The following DPYD variants were observed in gnomAD, a reference collection of about 807,000 sequenced individuals.
The protein encoded by DPYD is dihydropyrimidine dehydrogenase.
DPYD carries 109 observed loss-of-function variants against 116.2 expected under a neutral mutation model. The ratio of observed to expected loss-of-function variants is 0.94; its 90% CI spans 0.80 to 1.10. The LOEUF is 1.10. DPYD is among the 50% of genes least tolerant of loss of function. The pLI is 0.00. For missense variants in DPYD, 1,302 were observed against 1,254.5 expected (o/e 1.04, Z -0.57); for synonymous variants, 440 against 432.0 (o/e 1.02, Z -0.23).
intron 14 of DPYD, among the ~76,000 whole-genome samples, chr1:97,397,399 TCACTCTTGCTGTTA>T (rs1288023544): frequency 2.6e-5 from 4 of 152,060 alleles, no homozygotes; most frequent in African/African-American, 9.7e-5. Flanking sequence ...ACATCAGAGT[TCACTCTTGCTGTTA>T]CACATTCTAT....
rs1022272111 is a variant in DPYD, at chr1:97,193,086, C to G, written c.2605G>C (p.Ala869Pro). The G allele has an allele frequency of 1.9e-6, 3 of 1,614,000 alleles. No individual in the cohort carries two copies. The highest frequency in any genetic ancestry group is 1.7e-5 in the Admixed American group (1 of 60,012). ...GCACATACCTTGTCCATGAGTTCAGCTATACGTGGAACTGGTTTCCCTTTC... is the reference window on the plus strand; with the variant it reads ...GCACATACCTTGTCCATGAGTTCAGGTATACGTGGAACTGGTTTCCCTTTC... ...HQKGKPVPRIAELMDKKLPSF... is the reference protein window; with the variant it reads ...HQKGKPVPRIPELMDKKLPSF... Residue 869 changes from alanine to proline, a missense_variant, in exon 20 of 23, where the codon GCT becomes CCT. Ala to Pro is a conservative substitution (Grantham distance 27). Transcript: ENST00000370192.
intron 20 of DPYD, among the ~76,000 whole-genome samples, chr1:97,171,684 C>G (rs528491801): frequency 2.0e-5 from 3 of 152,236 alleles, no homozygotes; most frequent in Admixed American, 2.0e-4. Flanking sequence ...ACACAAAAAG[C>G]CCTCAAAATG....
chr1:97,734,205 T>C (rs897800420), intron 4 of DPYD, among the ~76,000 whole-genome samples: 3 of 151,954 alleles, frequency 2.0e-5, no homozygotes, highest in Non-Finnish European at 4.4e-5. Flanking sequence ...TCTAGGTTAG[T>C]CCACCTGAAA....
At chr1:97,091,478 A>G (rs1194094381) in intron 21 of DPYD, among the ~76,000 whole-genome samples, 2 of 152,176 alleles carry the variant, frequency 1.3e-5, no homozygotes, top group African/African-American at 2.4e-5. Flanking sequence ...AAAAACAGCA[A>G]TAACAACCAC....
At chr1:97,771,488 G>A (rs1337256413) in intron 3 of DPYD, among the ~76,000 whole-genome samples, 7 of 151,974 alleles carry the variant, frequency 4.6e-5, no homozygotes, top group Admixed American at 4.6e-4. Flanking sequence ...AATAAATGAA[G>A]GAGATGAAAT....
chr1:97,845,585 C>A (rs559505744), intron 2 of DPYD, among the ~76,000 whole-genome samples: 10 of 152,184 alleles, frequency 6.6e-5, no homozygotes, highest in African/African-American at 2.2e-4. Context: ...CAGTAGCCTG[C>A]GTACCTCATT....
intron 20 of DPYD, among the ~76,000 whole-genome samples, chr1:97,158,854 A>G (rs1655680715): frequency 6.6e-6 from 1 of 152,174 alleles, no homozygotes; most frequent in Admixed American, 6.6e-5. Flanking sequence ...CAGCACAGCT[A>G]AGATTGAAAT....
chr1:97,632,723 C>G (rs1030472912), intron 8 of DPYD, among the ~76,000 whole-genome samples: 6 of 152,062 alleles, frequency 3.9e-5, no homozygotes, highest in African/African-American at 7.2e-5. Context: ...AAATGGTCAA[C>G]AAGGACCTCA....
intron 18 of DPYD, among the ~76,000 whole-genome samples, chr1:97,254,714 A>G (rs749551701): frequency 1.3e-5 from 2 of 152,174 alleles, no homozygotes; most frequent in Non-Finnish European, 2.9e-5. Context: ...TTCAAGTGAA[A>G]ACTGTTAAAA....
chr1:97,742,396 T>C (rs900494879), intron 3 of DPYD, among the ~76,000 whole-genome samples: 1 of 152,100 alleles, frequency 6.6e-6, no homozygotes, highest in Non-Finnish European at 1.5e-5. Flanking sequence ...CTTAGCCTTC[T>C]CTCTAAATTA....
intron 13 of DPYD, among the ~76,000 whole-genome samples, chr1:97,478,646 A>G (rs1184224536): frequency 2.6e-5 from 4 of 152,204 alleles, no homozygotes; most frequent in African/African-American, 9.6e-5. Flanking sequence ...CATTGGCTTC[A>G]ACTTAGAGTC....
chr1:97,227,996 T>C (rs1661310359), intron 19 of DPYD, among the ~76,000 whole-genome samples: 1 of 151,954 alleles, frequency 6.6e-6, no homozygotes, highest in Non-Finnish European at 1.5e-5. Flanking sequence ...CATTTTTTAA[T>C]AAAAATATTA....
intron 8 of DPYD, among the ~76,000 whole-genome samples, chr1:97,644,122 A>G (rs1372815757): frequency 6.6e-6 from 1 of 152,136 alleles, no homozygotes; most frequent in East Asian, 1.9e-4. Context: ...TGAAAAAAAA[A>G]GAATCATCCT....
intron 16 of DPYD, among the ~76,000 whole-genome samples, chr1:97,348,990 A>G (rs1027130443): frequency 2.0e-5 from 3 of 152,206 alleles, no homozygotes; most frequent in African/African-American, 7.2e-5. Flanking sequence ...GAAGAAAAGC[A>G]AGTAATATAA....
At chr1:97,088,440 C>G (rs1483882317) in intron 21 of DPYD, among the ~76,000 whole-genome samples, 1 of 152,200 alleles carries the variant, frequency 6.6e-6, no homozygotes, top group African/African-American at 2.4e-5. Context: ...TCCAACAAGG[C>G]AATTCAATAA....
At chr1:97,517,221 T>A (rs1420627999) in intron 12 of DPYD, among the ~76,000 whole-genome samples, 1 of 152,046 alleles carries the variant, frequency 6.6e-6, no homozygotes, top group East Asian at 1.9e-4. Context: ...CTCCCAGGGA[T>A]GTTCTGGGCT....
chr1:97,357,240 G>T (rs1405712090), intron 16 of DPYD, among the ~76,000 whole-genome samples: 1 of 151,908 alleles, frequency 6.6e-6, no homozygotes, highest in Non-Finnish European at 1.5e-5. Context: ...TCACCTCCTT[G>T]GTTAAATGGA....
chr1:97,441,428 A>T (rs1470094709), intron 14 of DPYD, among the ~76,000 whole-genome samples: 1 of 151,734 alleles, frequency 6.6e-6, no homozygotes, highest in Non-Finnish European at 1.5e-5. Flanking sequence ...TTCATTTTGG[A>T]TAGCTTTTAT....
intron 5 of DPYD, among the ~76,000 whole-genome samples, chr1:97,718,369 A>G (rs1662733061): frequency 6.6e-6 from 1 of 151,718 alleles, no homozygotes; most frequent in Admixed American, 6.6e-5. Context: ...GTATTAGTAC[A>G]ATAAAAGTAT....
Sources: gnomAD v4.1 joint callset for allele counts (sites outside exome capture counted in the v4.1 genomes callset) on GRCh38, gnomAD v4.1.1 for gene constraint, MANE v1.5 for transcripts, NCBI Gene and HGNC (gene_info 2026-07-23, HGNC 2026-07-21) for gene names.